PCDHA9: variants seen among roughly 807,000 people sequenced by gnomAD.
The protein encoded by PCDHA9 is protocadherin alpha 9.
PCDHA9 carries 62 observed loss-of-function variants against 62.0 expected under a neutral mutation model. The ratio of observed to expected loss-of-function variants is 1.00; its 90% CI spans 0.81 to 1.23. PCDHA9 has a LOEUF of 1.23. PCDHA9 is among the 50% of genes most tolerant of loss of function. The pLI, the probability that PCDHA9 is intolerant of heterozygous loss-of-function variation, is 0.00. For missense variants in PCDHA9, 1,205 were observed against 1,249.8 expected (o/e 0.96, Z 0.54); for synonymous variants, 557 against 567.6 (o/e 0.98, Z 0.27).
chr5:140,981,974 A>G (rs782298715), intron 2 of PCDHA9, among the ~76,000 whole-genome samples: 6 of 152,232 alleles, frequency 3.9e-5, no homozygotes, highest in Non-Finnish European at 8.8e-5. Context: ...AGATATAGAA[A>G]GAGTAAAATA....
chr5:140,984,458 C>T (rs1363789281), intron 3 of PCDHA9, among the ~76,000 whole-genome samples: 2 of 152,140 alleles, frequency 1.3e-5, no homozygotes, highest in African/African-American at 4.8e-5. Flanking sequence ...CTTACTGTCC[C>T]AGCCCCTCTT....
At chr5:140,982,824 G>GGTTT (rs74513655) in intron 3 of PCDHA9, among the ~76,000 whole-genome samples, 1 of 151,942 alleles carries the variant, frequency 6.6e-6, no homozygotes, top group African/African-American at 2.4e-5. Context: ...AAGTTTTTGG[G>GGTTT]GTTTGTTTGT....
At chr5:140,947,302 C>G (rs1390442873) in intron 1 of PCDHA9, among the ~76,000 whole-genome samples, 2 of 151,504 alleles carry the variant, frequency 1.3e-5, no homozygotes, top group Non-Finnish European at 3.0e-5. Flanking sequence ...ATCTTGACAT[C>G]TTTGTAAAAA....
rs1554144521 is a variant in PCDHA9 at position 140,850,576 on chromosome 5, T to C, written c.2081T>C (p.Val694Ala). The change falls in exon 1 of 4, where the codon GTG (valine) becomes GCG (alanine). Residue 694 changes from valine (V) to alanine (A), a missense_variant. Physicochemically the swap from Val to Ala is moderately conservative, Grantham distance 64. This residue lies in a region of PCDHA9 where 887 missense variants were observed against 809.5 expected (regional missense o/e 1.10). Transcript: ENST00000532602. ...GCCACGGGCCCCGAGGTGACGCTGGTGGATGTCAACGTGTACCTGATCATC... is the reference window on the plus strand; with the variant it reads ...GCCACGGGCCCCGAGGTGACGCTGGCGGATGTCAACGTGTACCTGATCATC... ...VGATGPEVTL[V>A]DVNVYLIIAI... 6.3e-7 allele frequency: 1 copy of C among 1,598,296 alleles called. No individual in the cohort carries two copies. The highest frequency in any genetic ancestry group is 2.2e-5 in the East Asian group (1 of 44,840).
chr5:140,951,237 T>G (rs1405165070), intron 1 of PCDHA9, among the ~76,000 whole-genome samples: 2 of 152,200 alleles, frequency 1.3e-5, no homozygotes, highest in African/African-American at 4.8e-5. Flanking sequence ...GTCTTTACCT[T>G]TAGGAATGCA....
chr5:140,881,445 A>C, intron 1 of PCDHA9: 1 of 783,070 alleles, frequency 1.3e-6, no homozygotes, highest in Non-Finnish European at 1.6e-6. Flanking sequence ...TAAAAACAGA[A>C]TCCAAAACCT....
At chr5:140,909,101 G>C (rs1242179195) in intron 1 of PCDHA9, among the ~76,000 whole-genome samples, 1 of 152,122 alleles carries the variant, frequency 6.6e-6, no homozygotes, top group Non-Finnish European at 1.5e-5. Flanking sequence ...CACTCACTGG[G>C]TCCAATCAGC....
chr5:140,900,030 G>A (rs1159979332), intron 1 of PCDHA9, among the ~76,000 whole-genome samples: 1 of 152,086 alleles, frequency 6.6e-6, no homozygotes, highest in Admixed American at 6.6e-5. Context: ...GTTTGGCCTT[G>A]AATTCCTGGG....
intron 1 of PCDHA9, among the ~76,000 whole-genome samples, chr5:140,919,944 A>T (rs1554199311): frequency 6.6e-6 from 1 of 151,622 alleles, no homozygotes; most frequent in Non-Finnish European, 1.5e-5. Flanking sequence ...AATTCCAGTG[A>T]AAAGTTTGTT....
At chr5:140,927,076 C>T (rs142317713) in intron 1 of PCDHA9, 7 of 1,611,008 alleles carry the variant, frequency 4.3e-6, no homozygotes, top group Non-Finnish European at 5.1e-6. Context: ...TTCCAGCCAC[C>T]GCGAGCTCTA....
In PCDHA9 at chr5:140,848,948, G is replaced by C. The variant is rs2150426215; in HGVS notation, c.453G>C (p.Arg151=). ...CGGAATCCAGGCCGCTTGACTCTCG[G>C]TTTCCACTAGAGGGCGCGTCCGATG... The part of the protein sequence containing the change: ...FIAESRPLDS[R]FPLEGASDAD... Residue 151 remains arginine (R), a synonymous_variant, in exon 1 of 4, where the codon CGG becomes CGC. Coordinates refer to ENST00000532602, the MANE Select transcript of PCDHA9 (RefSeq NM_031857.2). 8.1e-6 allele frequency: 13 copies of C among 1,607,010 alleles called. No homozygotes were observed. The African/African-American group carries it at 1.8e-4, about 22-fold the overall frequency.
chr5:140,939,037 T>C (rs1295630675), intron 1 of PCDHA9, among the ~76,000 whole-genome samples: 2 of 152,212 alleles, frequency 1.3e-5, no homozygotes, highest in African/African-American at 4.8e-5. Context: ...TCGGAAGAGT[T>C]GTCTTAGTCC....
intron 1 of PCDHA9, chr5:140,859,995 A>C (rs1279929843): frequency 6.6e-6 from 1 of 152,046 alleles, no homozygotes; most frequent in Non-Finnish European, 1.5e-5. Context: ...CTCTCCATCA[A>C]TACTAACTTA....
chr5:140,998,639 A>G (rs1165002908), intron 3 of PCDHA9, among the ~76,000 whole-genome samples: 2 of 151,766 alleles, frequency 1.3e-5, no homozygotes, highest in African/African-American at 2.4e-5. Flanking sequence ...ATCTCAGCTC[A>G]CTGCAACCTC....
chr5:140,877,822 TTAAA>T, intron 1 of PCDHA9: 1 of 1,603,218 alleles, frequency 6.2e-7, no homozygotes, highest in East Asian at 2.2e-5. Flanking sequence ...AGAAGATTGT[TTAAA>T]TCCTCCCAGT....
chr5:140,890,702 A>G (rs552792120), intron 1 of PCDHA9, among the ~76,000 whole-genome samples: 1 of 152,318 alleles, frequency 6.6e-6, no homozygotes, highest in African/African-American at 2.4e-5. Flanking sequence ...GGGACCTTAC[A>G]TTTTTAAAAT....
intron 1 of PCDHA9, among the ~76,000 whole-genome samples, chr5:140,905,079 T>C (rs2071581588): frequency 6.6e-6 from 1 of 152,168 alleles, no homozygotes; most frequent in Admixed American, 6.5e-5. Context: ...AGTTGCACTT[T>C]CTTTTGGGTT....
intron 1 of PCDHA9, chr5:140,883,720 A>C: frequency 6.2e-7 from 1 of 1,613,566 alleles, no homozygotes; most frequent in Non-Finnish European, 8.5e-7. Context: ...ACGCGGACGC[A>C]CAGGAGAACG....
chr5:140,974,116 G>T (rs2096616118), intron 1 of PCDHA9, among the ~76,000 whole-genome samples: 1 of 152,192 alleles, frequency 6.6e-6, no homozygotes. Context: ...TTCTTTTGCA[G>T]TGTTTTAAAT....
Sources: allele counts gnomAD v4.1 joint callset (sites outside exome capture counted in the v4.1 genomes callset), GRCh38; gene constraint gnomAD v4.1.1; regional missense constraint gnomAD v4.1.1; transcripts MANE v1.5; gene names NCBI Gene and HGNC (gene_info 2026-07-23, HGNC 2026-07-21).